The following GPR158 variants were observed in gnomAD, a reference collection of about 807,000 sequenced individuals.
The protein encoded by GPR158 is G protein-coupled receptor 158, also known as metabotropic glycine receptor.
A neutral mutation model predicts 78.2 loss-of-function variants in GPR158; 30 were observed. The ratio of observed to expected loss-of-function variants is 0.38; its 90% CI spans 0.29 to 0.52. The LOEUF (loss-of-function observed/expected upper bound fraction) is 0.52. Among genes scored for constraint, GPR158 ranks in the 20% least tolerant of loss-of-function variants. The probability of loss-of-function intolerance (pLI) is 0.83; values close to 1 mark genes in which losing one functional copy is unlikely to be tolerated. For synonymous variants in GPR158, 581 were observed against 591.1 expected, an observed-to-expected ratio of 0.98 and a Z score of 0.25; for missense variants, 1,463 against 1,523.5, an observed-to-expected ratio of 0.96 and a Z score of 0.66.
At chr10:25,481,546 A>G (rs1022374393) in intron 5 of GPR158, among the ~76,000 whole-genome samples, 4 of 152,216 alleles carry the variant, frequency 2.6e-5, no homozygotes, top group Admixed American at 6.5e-5. Context: ...TGCTGAGGCA[A>G]CATCAAATTA....
At chr10:25,241,031 C>T (rs1853597176) in intron 2 of GPR158, among the ~76,000 whole-genome samples, 1 of 152,100 alleles carries the variant, frequency 6.6e-6, no homozygotes, top group Non-Finnish European at 1.5e-5. Flanking sequence ...TGGGTTATGA[C>T]TACTTTTGGT....
intron 2 of GPR158, among the ~76,000 whole-genome samples, chr10:25,338,608 A>AATACATATTATATATATTATTATATAT: frequency 6.8e-6 from 1 of 147,032 alleles, no homozygotes; most frequent in Non-Finnish European, 1.5e-5. Flanking sequence ...TATTATATAT[A>AATACATATTATATATATTATTATATAT]AAAAATCATA....
chr10:25,335,094 T>G (rs2130497295), intron 2 of GPR158, among the ~76,000 whole-genome samples: 1 of 152,236 alleles, frequency 6.6e-6, no homozygotes, highest in South Asian at 2.1e-4. Flanking sequence ...CTACAGATAC[T>G]TATTCAGGAT....
intron 2 of GPR158, among the ~76,000 whole-genome samples, chr10:25,239,627 T>C (rs928604262): frequency 1.3e-5 from 2 of 150,440 alleles, no homozygotes; most frequent in African/African-American, 4.9e-5. Flanking sequence ...AAAAAAGTTA[T>C]CACCAAGTTT....
At chr10:25,585,029 C>T (rs528470404) in intron 7 of GPR158, among the ~76,000 whole-genome samples, 2 of 152,306 alleles carry the variant, frequency 1.3e-5, no homozygotes, top group South Asian at 2.1e-4. Context: ...GTGGGAGGTC[C>T]CAGGTTACAA....
chr10:25,253,972 A>C (rs746908423), intron 2 of GPR158, among the ~76,000 whole-genome samples: 1 of 152,250 alleles, frequency 6.6e-6, no homozygotes, highest in Non-Finnish European at 1.5e-5. Context: ...GTCTCAGTCT[A>C]ACATAATTAG....
At chr10:25,405,542 TA>T (rs1834503220) in intron 3 of GPR158, among the ~76,000 whole-genome samples, 1 of 127,848 alleles carries the variant, frequency 7.8e-6, no homozygotes, top group African/African-American at 2.9e-5. Flanking sequence ...AGCATGACAT[TA>T]AGGTTGTTCT....
At chr10:25,555,009 G>A (rs1038443527) in intron 6 of GPR158, among the ~76,000 whole-genome samples, 2 of 150,152 alleles carry the variant, frequency 1.3e-5, no homozygotes, top group Non-Finnish European at 3.0e-5. Context: ...TGAGAGAGAG[G>A]AAAGAAAGAA....
At chr10:25,288,018 C>T (rs1854377344) in intron 2 of GPR158, among the ~76,000 whole-genome samples, 1 of 152,096 alleles carries the variant, frequency 6.6e-6, no homozygotes, top group African/African-American at 2.4e-5. Context: ...CTTTTACATT[C>T]TTATATCCAC....
intron 2 of GPR158, among the ~76,000 whole-genome samples, chr10:25,350,793 C>A (rs1588816553): frequency 6.6e-6 from 1 of 152,120 alleles, no homozygotes; most frequent in African/African-American, 2.4e-5. Context: ...TAGGATTCAT[C>A]TGCCTTTCTT....
chr10:25,337,125 C>T (rs891272410), intron 2 of GPR158, among the ~76,000 whole-genome samples: 3 of 152,076 alleles, frequency 2.0e-5, no homozygotes, highest in Non-Finnish European at 4.4e-5. Flanking sequence ...CCACTTCATA[C>T]AGTGTTAGCA....
intron 3 of GPR158, among the ~76,000 whole-genome samples, chr10:25,397,630 T>A (rs1588844447): frequency 1.3e-5 from 2 of 152,174 alleles, no homozygotes; most frequent in South Asian, 4.1e-4. Context: ...CTGTTTACAT[T>A]TAACTTGTAG....
At chr10:25,219,815 G>A (rs1313277127) in intron 1 of GPR158, among the ~76,000 whole-genome samples, 2 of 152,216 alleles carry the variant, frequency 1.3e-5, no homozygotes, top group Admixed American at 1.3e-4. Context: ...CATAAGATGT[G>A]TGGCAAAATA....
chr10:25,486,511 C>A (rs906754142), intron 5 of GPR158, among the ~76,000 whole-genome samples: 3 of 152,170 alleles, frequency 2.0e-5, no homozygotes, highest in African/African-American at 4.8e-5. Context: ...TATCAACTAA[C>A]CCTTATCCAA....
intron 2 of GPR158, among the ~76,000 whole-genome samples, chr10:25,394,410 A>G (rs1408641156): frequency 6.6e-6 from 1 of 152,232 alleles, no homozygotes; most frequent in Non-Finnish European, 1.5e-5. Flanking sequence ...TCTCCTAAAT[A>G]CATGTTATAG....
Position 25,598,325 on chromosome 10 carries a change from A to C in GPR158, c.2699A>C (p.Gln900Pro), listed in dbSNP as rs573257118. 7 of 1,614,170 alleles carry C rather than the reference A, an allele frequency of 4.3e-6. No individual in the cohort carries two copies. Among genetic ancestry groups the C allele is most frequent in the South Asian group, 1.1e-5 (1 of 91,072 alleles). Reference sequence around the variant, plus strand: ...GGGCACCCACGAACATCGATGTTACAGAAGTCTCTCAGTGTCATAGCAAGC... The same window carrying C: ...GGGCACCCACGAACATCGATGTTACCGAAGTCTCTCAGTGTCATAGCAAGC... ...KTGHPRTSML[Q>P]KSLSVIASAK... Residue 900 changes from glutamine to proline, a missense_variant, in exon 11 of 11, where the codon CAG becomes CCG. By Grantham distance (76) the Gln-to-Pro change is moderately conservative. Coordinates refer to ENST00000376351, the MANE Select transcript of GPR158 (RefSeq NM_020752.3).
At chr10:25,573,341 C>T (rs1312851873) in intron 7 of GPR158, among the ~76,000 whole-genome samples, 1 of 152,204 alleles carries the variant, frequency 6.6e-6, no homozygotes, top group African/African-American at 2.4e-5. Context: ...AATATTGTCT[C>T]TGCAAAATTT....
intron 1 of GPR158, among the ~76,000 whole-genome samples, chr10:25,219,556 A>G (rs1853269218): frequency 6.6e-6 from 1 of 152,196 alleles, no homozygotes; most frequent in South Asian, 2.1e-4. Flanking sequence ...AATCAACTCA[A>G]ACATATTCTG....
At chr10:25,309,113 C>A (rs1854725568) in intron 2 of GPR158, among the ~76,000 whole-genome samples, 1 of 152,022 alleles carries the variant, frequency 6.6e-6, no homozygotes, top group Non-Finnish European at 1.5e-5. Flanking sequence ...TATTTTTAGG[C>A]TTTTGAGGAG....
Sources: gnomAD v4.1 joint callset for allele counts (sites outside exome capture counted in the v4.1 genomes callset) on GRCh38, gnomAD v4.1.1 for gene constraint, MANE v1.5 for transcripts, NCBI Gene and HGNC (gene_info 2026-07-23, HGNC 2026-07-21) for gene names.